The following LARP1B variants were observed in gnomAD, a reference collection of about 807,000 sequenced individuals.
LARP1B encodes la-related protein 1B.
LARP1B carries 76 observed loss-of-function variants against 114.2 expected under a neutral mutation model. That is an observed-to-expected ratio of 0.67 (90% CI 0.55 to 0.81). LARP1B has a LOEUF of 0.81. Ranked by LOEUF, LARP1B falls within the 30% of genes least tolerant of loss-of-function variation. The pLI is 0.00. For missense variants in LARP1B, 1,014 were observed against 1,075.8 expected (o/e 0.94, Z 0.80); for synonymous variants, 345 against 348.0 (o/e 0.99, Z 0.10).
At position 128,199,199 on chromosome 4, in the gene LARP1B, A is replaced by G. The variant is rs535301069; in HGVS notation, c.2004-240A>G. ...CTATTCAGTTATCTGCTTCTGCTTA[A>G]ACTGTGTTAGCTTGAGAGTTTATGA... On this transcript the variant is annotated intron_variant, in intron 15 of 19. Coordinates refer to ENST00000326639, the MANE Select transcript of LARP1B (RefSeq NM_018078.4). 3.3e-5 allele frequency among the ~76,000 whole-genome samples: 5 copies of G among 152,324 alleles called. No homozygotes were observed. In the South Asian group the frequency reaches 1.0e-3, roughly 32 times the overall value.
At chr4:128,069,712 GT>G (rs1764464454) in intron 1 of LARP1B, 1 of 333,532 alleles carries the variant, frequency 3.0e-6, no homozygotes. Context: ...ATTTATGGTT[GT>G]TTTTTGCCTA....
At chr4:128,130,558 G>A (rs1303829200) in intron 11 of LARP1B, among the ~76,000 whole-genome samples, 1 of 152,232 alleles carries the variant, frequency 6.6e-6, no homozygotes, top group East Asian at 1.9e-4. Flanking sequence ...AGGATGTGGA[G>A]CATTAGGAAA....
intron 9 of LARP1B, 115 bp from the exon 10 acceptor site, chr4:128,114,455 C>T: frequency 2.7e-6 from 2 of 748,468 alleles, no homozygotes; most frequent in South Asian, 1.9e-5. Context: ...ACAGTTGAGA[C>T]TGATCATGTT....
At chr4:128,195,925 A>G (rs1753904440) in intron 15 of LARP1B, among the ~76,000 whole-genome samples, 1 of 152,308 alleles carries the variant, frequency 6.6e-6, no homozygotes, top group East Asian at 1.9e-4. Context: ...ATGGGATATT[A>G]CTACTGGTTG....
intron 13 of LARP1B, among the ~76,000 whole-genome samples, chr4:128,177,123 G>A (rs1368004648): frequency 6.6e-6 from 1 of 152,154 alleles, no homozygotes; most frequent in Non-Finnish European, 1.5e-5. Context: ...ATATGCCAGG[G>A]TAAAGAGCCT....
At chr4:128,135,137 A>ATAAG (rs1792915145) in intron 11 of LARP1B, among the ~76,000 whole-genome samples, 1 of 150,744 alleles carries the variant, frequency 6.6e-6, no homozygotes, top group East Asian at 1.9e-4. Context: ...AAATAAATAA[A>ATAAG]TAAATAAAAA....
intron 11 of LARP1B, among the ~76,000 whole-genome samples, chr4:128,142,696 C>T (rs1374254176): frequency 1.3e-5 from 2 of 151,650 alleles, no homozygotes; most frequent in Non-Finnish European, 2.9e-5. Flanking sequence ...TTAGTAGAGA[C>T]GGGGTTTCTC....
chr4:128,189,967 G>A (rs941952831), intron 15 of LARP1B, among the ~76,000 whole-genome samples: 1 of 152,164 alleles, frequency 6.6e-6, no homozygotes, highest in African/African-American at 2.4e-5. Context: ...TGGATTACAT[G>A]TAACAATTAC....
At chr4:128,061,956 A>G (rs1760272122) in intron 1 of LARP1B, 1 of 985,024 alleles carries the variant, frequency 1.0e-6, no homozygotes. Context: ...CTGGCGCTGC[A>G]CCTGGCGCAC....
At chr4:128,171,436 A>G (rs1743670290) in intron 12 of LARP1B, among the ~76,000 whole-genome samples, 1 of 152,098 alleles carries the variant, frequency 6.6e-6, no homozygotes, top group African/African-American at 2.4e-5. Flanking sequence ...CTCAGCTGAA[A>G]TTTCTTTATG....
chr4:128,110,475 C>A (rs550060266), intron 9 of LARP1B, among the ~76,000 whole-genome samples: 26 of 150,076 alleles, frequency 1.7e-4, no homozygotes, highest in Middle Eastern at 6.8e-3. Flanking sequence ...AGATCGAGAC[C>A]ATCCCGGCTA....
intron 1 of LARP1B, chr4:128,069,537 T>G: frequency 1.3e-6 from 1 of 745,490 alleles, no homozygotes; most frequent in East Asian, 2.5e-5. Flanking sequence ...AGAGAGCTGG[T>G]GGTACTGCCA....
chr4:128,171,851 A>G (rs975878623), intron 12 of LARP1B, among the ~76,000 whole-genome samples: 2 of 152,072 alleles, frequency 1.3e-5, no homozygotes, highest in East Asian at 3.9e-4. Context: ...GGTTTTTGGT[A>G]TAATAATTTA....
chr4:128,216,341 A>AT (rs1383010090), downstream of LARP1B, among the ~76,000 whole-genome samples: 3 of 25,252 alleles, frequency 1.2e-4, no homozygotes, highest in African/African-American at 4.0e-4. Flanking sequence ...CAGAATATAC[A>AT]TTTTTTTCAG....
chr4:128,141,392 G>A (rs565690179), intron 11 of LARP1B, among the ~76,000 whole-genome samples: 32 of 152,232 alleles, frequency 2.1e-4, no homozygotes, highest in African/African-American at 6.0e-4. Flanking sequence ...AGAGAAACAC[G>A]TTACAACGAG....
At chr4:128,137,770 CAT>C (rs745646919) in intron 11 of LARP1B, among the ~76,000 whole-genome samples, 1,998 of 141,268 alleles carry the variant, frequency 0.014, 30 homozygotes, top group Non-Finnish European at 0.019. Flanking sequence ...TGTGTGTATA[CAT>C]ATATATATAT....
intron 1 of LARP1B, among the ~76,000 whole-genome samples, chr4:128,066,881 C>T (rs1054070165): frequency 1.2e-4 from 18 of 151,334 alleles, no homozygotes; most frequent in African/African-American, 3.9e-4. Flanking sequence ...ACTGCAACCC[C>T]CCACCTCCCA....
In LARP1B at chr4:128,210,787, A is replaced by T; in HGVS notation, c.*734A>T. 1.0e-6 allele frequency: 1 copy of T among 983,448 alleles called. No homozygotes were observed. Among genetic ancestry groups the T allele is most frequent in the Non-Finnish European group, 1.2e-6 (1 of 828,128 alleles). 60.9% of individuals were successfully genotyped at this position (983,448 alleles called of 1,614,324 possible). A position where few individuals can be genotyped will look rare whatever the true frequency, so the allele number is the denominator to read the frequency against. On this transcript the variant is annotated 3_prime_UTR_variant, in exon 20 of 20. Transcript: ENST00000326639. ...TCTGAATTGGCTATAAGCTGATTAC[A>T]TATTAGAGGTTTATTTTTATGATTC... is the stretch of plus-strand genomic sequence containing the variant.
At chr4:128,066,410 C>T (rs1489268690) in intron 1 of LARP1B, among the ~76,000 whole-genome samples, 2 of 151,396 alleles carry the variant, frequency 1.3e-5, no homozygotes, top group African/African-American at 4.8e-5. Context: ...GATCTGCTGA[C>T]CTCGTGATCC....
Sources: gnomAD v4.1 joint callset for allele counts (sites outside exome capture counted in the v4.1 genomes callset) on GRCh38, gnomAD v4.1.1 for gene constraint, MANE v1.5 for transcripts, NCBI Gene and HGNC (gene_info 2026-07-23, HGNC 2026-07-21) for gene names.